RALGAPA2: variants seen among roughly 807,000 people sequenced by gnomAD.
RALGAPA2 encodes ral GTPase-activating protein subunit alpha-2.
RALGAPA2 carries 139 observed loss-of-function variants against 230.4 expected under a neutral mutation model. The ratio of observed to expected loss-of-function variants is 0.60; its 90% CI spans 0.53 to 0.69. The LOEUF (loss-of-function observed/expected upper bound fraction) is 0.69. Among genes scored for constraint, RALGAPA2 ranks in the 30% least tolerant of loss-of-function variants. RALGAPA2 has a pLI of 0.00. For missense variants in RALGAPA2, 2,163 were observed against 2,276.0 expected (o/e 0.95, Z 1.01); for synonymous variants, 847 against 837.8 (o/e 1.01, Z -0.19).
chr20:20,602,845 T>TAG (rs1491205826), intron 15 of RALGAPA2, among the ~76,000 whole-genome samples: 1 of 148,204 alleles, frequency 6.7e-6, no homozygotes, highest in Non-Finnish European at 1.5e-5. Context: ...TGTGTGTGTG[T>TAG]AGTGTATGCA....
At position 20,601,737 on chromosome 20, in the gene RALGAPA2, C is replaced by G. The variant is rs762975542; in HGVS notation, c.2148G>C (p.Thr716=). The part of the protein sequence containing the change: ...TEPMRFRSAT[T]SGAPGVEKAR... ...CCTTTTCCACTCCCGGTGCTCCAGA[C>G]GTGGTGGCACTCCTAAATCGCATCG... The change falls in exon 16 of 40, where the codon ACG becomes ACC. Residue 716 remains threonine, a synonymous_variant. Coordinates refer to ENST00000202677, the MANE Select transcript of RALGAPA2 (RefSeq NM_020343.4). The G allele has an allele frequency of 1.9e-6, 3 of 1,613,634 alleles. No individual in the cohort carries two copies. In the Admixed American group the frequency reaches 5.0e-5, roughly 27 times the overall value.
In RALGAPA2 at chr20:20,629,347, A is replaced by ACACACACACACTAACCTGGT; in HGVS notation, c.1229_1233+15dup. 1 of 1,524,284 alleles carries ACACACACACACTAACCTGGT rather than the reference A, an allele frequency of 6.6e-7. No individual in the cohort carries two copies. Among genetic ancestry groups the ACACACACACACTAACCTGGT allele is most frequent in the Non-Finnish European group, 8.9e-7 (1 of 1,120,820 alleles). 94.4% of individuals were successfully genotyped at this position (1,524,284 alleles called of 1,614,324 possible). The stretch of plus-strand genomic sequence containing the variant: ...CACACACACACACACACACACACAC[A>ACACACACACACTAACCTGGT]CACACACACACTAACCTGGTGAAAT... On this transcript the variant is annotated intron_variant, in intron 10 of 39. Transcript: ENST00000202677.
chr20:20,689,792 C>T (rs1194868230), intron 1 of RALGAPA2, among the ~76,000 whole-genome samples: 2 of 152,098 alleles, frequency 1.3e-5, no homozygotes, highest in Non-Finnish European at 2.9e-5. Context: ...TTAACATAAA[C>T]ACTCTCAGTT....
intron 37 of RALGAPA2, among the ~76,000 whole-genome samples, chr20:20,464,208 T>C (rs936479582): frequency 1.3e-5 from 2 of 152,200 alleles, no homozygotes; most frequent in African/African-American, 4.8e-5. Flanking sequence ...TTAAAGCTAC[T>C]GACAAATGCA....
intron 36 of RALGAPA2, among the ~76,000 whole-genome samples, 191 bp downstream of exon 36, chr20:20,494,926 T>C (rs1356899980): frequency 6.6e-6 from 1 of 152,246 alleles, no homozygotes; most frequent in East Asian, 1.9e-4. Context: ...TTTGTGCTCA[T>C]GATGAAAAAT....
intron 38 of RALGAPA2, among the ~76,000 whole-genome samples, chr20:20,408,163 T>C (rs1205327750): frequency 1.3e-5 from 2 of 152,216 alleles, no homozygotes; most frequent in Admixed American, 6.5e-5. Context: ...CAAACACAAG[T>C]CAGTTTGGGT....
rs952478777 is a variant in RALGAPA2, at chr20:20,695,530, GCTGA to G, written c.107-14733_107-14730del. Among the ~76,000 whole-genome samples the G allele has an allele frequency of 2.5e-4, 38 of 152,270 alleles. 1 individual carries two copies. Among genetic ancestry groups the G allele is most frequent in the South Asian group, 1.7e-3 (8 of 4,830 alleles). ...TTTCCTTGTTGTGCTTAAACCTGAC[GCTGA>G]CTGACTGTCAACTGACAGAACAGAA... On this transcript the variant is annotated intron_variant, in intron 1 of 39. Transcript: ENST00000202677.
chr20:20,556,762 G>A (rs1005322658), intron 23 of RALGAPA2, among the ~76,000 whole-genome samples: 5 of 152,130 alleles, frequency 3.3e-5, no homozygotes, highest in Non-Finnish European at 7.4e-5. Context: ...AGAAAATCAG[G>A]CCTCATTGCC....
intron 1 of RALGAPA2, among the ~76,000 whole-genome samples, chr20:20,702,060 G>A (rs2069401024): frequency 6.6e-6 from 1 of 150,750 alleles, no homozygotes. Context: ...AAAAAAGAAA[G>A]AAAGAAAGAA....
intron 37 of RALGAPA2, among the ~76,000 whole-genome samples, chr20:20,419,465 G>C (rs1438972581): frequency 1.3e-5 from 2 of 152,104 alleles, no homozygotes; most frequent in Admixed American, 6.5e-5. Flanking sequence ...GCAGAAAAGA[G>C]ACAGTACTAT....
chr20:20,544,345 A>G (rs1332843085), intron 24 of RALGAPA2, among the ~76,000 whole-genome samples: 8 of 151,882 alleles, frequency 5.3e-5, no homozygotes, highest in Admixed American at 5.3e-4. Context: ...TCTCAAAAAA[A>G]AAAAAAAAAG....
intron 37 of RALGAPA2, among the ~76,000 whole-genome samples, chr20:20,456,715 C>T (rs1441758716): frequency 6.6e-6 from 1 of 152,244 alleles, no homozygotes; most frequent in Non-Finnish European, 1.5e-5. Context: ...AATGCAGGTG[C>T]CAGATGTAAG....
intron 31 of RALGAPA2, among the ~76,000 whole-genome samples, chr20:20,517,045 C>T (rs1206449392): frequency 6.6e-6 from 1 of 152,164 alleles, no homozygotes; most frequent in Non-Finnish European, 1.5e-5. Flanking sequence ...TTGTTCTCCA[C>T]CTTGTCCACC....
intron 2 of RALGAPA2, among the ~76,000 whole-genome samples, chr20:20,677,628 C>CTTTTTTTTTTTTTTTTTT (rs1568741580): frequency 1.6e-5 from 2 of 121,840 alleles, no homozygotes. Flanking sequence ...TGATTTGACC[C>CTTTTTTTTTTTTTTTTTT]ATTTTTTTTT....
At chr20:20,652,664 C>T (rs1009542447) in intron 4 of RALGAPA2, among the ~76,000 whole-genome samples, 6 of 152,116 alleles carry the variant, frequency 3.9e-5, no homozygotes, top group African/African-American at 1.4e-4. Context: ...GACTCTTGTA[C>T]GGCAGGGGAT....
intron 3 of RALGAPA2, among the ~76,000 whole-genome samples, chr20:20,665,309 C>T (rs1158220261): frequency 6.6e-6 from 1 of 152,200 alleles, no homozygotes. Context: ...ACAGGATCTC[C>T]TCTTAAGAGT....
At chr20:20,428,106 T>C (rs943185595) in intron 37 of RALGAPA2, among the ~76,000 whole-genome samples, 2 of 152,248 alleles carry the variant, frequency 1.3e-5, no homozygotes, top group African/African-American at 2.4e-5. Flanking sequence ...CTTTATATTC[T>C]GGGATAATTC....
chr20:20,635,099 T>A (rs2066813221), intron 9 of RALGAPA2, among the ~76,000 whole-genome samples: 1 of 152,194 alleles, frequency 6.6e-6, no homozygotes, highest in African/African-American at 2.4e-5. Flanking sequence ...GACAGGCCTC[T>A]GTTCTCATGC....
intron 1 of RALGAPA2, among the ~76,000 whole-genome samples, chr20:20,686,533 GA>G (rs571303541): frequency 0.03 from 3,169 of 105,534 alleles, 90 homozygotes; most frequent in East Asian, 0.18. Flanking sequence ...CTACACCTCA[GA>G]AAAAAAAAAA....
Sources: allele counts gnomAD v4.1 joint callset (sites outside exome capture counted in the v4.1 genomes callset), GRCh38; gene constraint gnomAD v4.1.1; transcripts MANE v1.5; gene names NCBI Gene and HGNC (gene_info 2026-07-23, HGNC 2026-07-21).